RAB11FIP4: variants seen among roughly 807,000 people sequenced by gnomAD.
RAB11FIP4 encodes RAB11 family interacting protein 4.
In RAB11FIP4, 23 loss-of-function variants were observed where a neutral mutation model predicts 74.3. The ratio of observed to expected loss-of-function variants is 0.31; its 90% CI spans 0.22 to 0.44. The LOEUF is 0.44. RAB11FIP4 is among the 20% of genes least tolerant of loss of function. The pLI, the probability that RAB11FIP4 is intolerant of heterozygous loss-of-function variation, is 1.00. For missense variants in RAB11FIP4, 630 were observed against 863.9 expected, an observed-to-expected ratio of 0.73 and a Z score of 3.39; for synonymous variants, 360 against 359.9, an observed-to-expected ratio of 1.00 and a Z score of 0.00.
chr17:31,463,781 GGTGTGA>G (rs1164487000), intron 3 of RAB11FIP4, among the ~76,000 whole-genome samples: 2 of 144,210 alleles, frequency 1.4e-5, no homozygotes, highest in Admixed American at 7.1e-5. Context: ...TGGGATTACA[GGTGTGA>G]GCCACTGCGC....
At chr17:31,443,810 G>T (rs1246008369) in intron 3 of RAB11FIP4, among the ~76,000 whole-genome samples, 2 of 152,370 alleles carry the variant, frequency 1.3e-5, no homozygotes, top group Non-Finnish European at 2.9e-5. Flanking sequence ...AGCTACTTGG[G>T]AGGCTGAGGC....
intron 3 of RAB11FIP4, among the ~76,000 whole-genome samples, chr17:31,477,507 C>T (rs1465561535): frequency 6.6e-6 from 1 of 152,202 alleles, no homozygotes; most frequent in Non-Finnish European, 1.5e-5. Context: ...CCCAGACAAG[C>T]TGTGGGGAGA....
At position 31,441,121 on chromosome 17, in the gene RAB11FIP4, T is replaced by C. The variant is rs147064408; in HGVS notation, c.336+6999T>C. 2.0e-5 allele frequency among the ~76,000 whole-genome samples: 3 copies of C among 151,962 alleles called. No individual in the cohort carries two copies. The South Asian group carries it at 6.2e-4, about 32-fold the overall frequency. ...CTCACTGCAACCTCTGCCTCCCAGG[T>C]CCAAGCGATTCCCCTGCCTCAGCCT... On this transcript the variant is annotated intron_variant, in intron 3 of 14. Transcript: ENST00000621161.
rs1234390086 is a variant in RAB11FIP4 at position 31,537,243 on chromosome 17, C to T, written c.*5511C>T. 1 of 399,160 alleles carries T rather than the reference C, an allele frequency of 2.5e-6. No individual in the cohort carries two copies. The highest frequency in any genetic ancestry group is 4.4e-6 in the Non-Finnish European group (1 of 226,174). The allele number at this position is 399,160 out of a possible 1,614,324, so 24.7% of individuals were successfully genotyped here. On this transcript the variant is annotated 3_prime_UTR_variant, in exon 15 of 15. Transcript: ENST00000621161. ...CTTTCCCGAGCCCTGTAAATGTGTA[C>T]TTTTTCAACGTGCCTCCCCCAGGTG...
intron 4 of RAB11FIP4, 57 bp from the exon 5 acceptor site, chr17:31,521,109 G>A: frequency 1.5e-6 from 2 of 1,344,278 alleles, no homozygotes; most frequent in East Asian, 5.1e-5. Flanking sequence ...CCCCACCACG[G>A]GCTGTGGCTG....
intron 1 of RAB11FIP4, among the ~76,000 whole-genome samples, chr17:31,409,377 ATGCT>A: frequency 6.6e-6 from 1 of 152,296 alleles, no homozygotes; most frequent in Admixed American, 6.5e-5. Context: ...TGTTTCAACG[ATGCT>A]TGCTATTTTC....
At chr17:31,417,334 G>A (rs1007078228) in intron 1 of RAB11FIP4, among the ~76,000 whole-genome samples, 2 of 152,226 alleles carry the variant, frequency 1.3e-5, no homozygotes, top group African/African-American at 4.8e-5. Context: ...TAGGCTCCAC[G>A]TGGGTTCAAA....
chr17:31,506,179 C>T (rs558055433), intron 3 of RAB11FIP4, among the ~76,000 whole-genome samples: 1 of 152,150 alleles, frequency 6.6e-6, no homozygotes, highest in Non-Finnish European at 1.5e-5. Context: ...CAATATTGAT[C>T]TTTTAATAGG....
intron 1 of RAB11FIP4, among the ~76,000 whole-genome samples, chr17:31,415,682 C>T (rs2071140556): frequency 6.6e-6 from 1 of 152,154 alleles, no homozygotes; most frequent in African/African-American, 2.4e-5. Context: ...GGGGAAGGAG[C>T]TCAGCGAGAC....
At chr17:31,521,790 C>A in intron 5 of RAB11FIP4, 125 bp from the exon 6 acceptor site, 2 of 1,092,450 alleles carry the variant, frequency 1.8e-6, no homozygotes, top group East Asian at 2.5e-5. Context: ...TTTCCACTCC[C>A]TGCCCCTCCC....
In RAB11FIP4 at chr17:31,533,138, G is replaced by C. The variant is rs2290434; in HGVS notation, c.*1406G>C. ...GCATGTTGGGAAGGGCGGTGGAGGG[G>C]GAGTTGCAGAAAGAGAGGGCAGTGA... On this transcript the variant is annotated 3_prime_UTR_variant, in exon 15 of 15. Transcript: ENST00000621161. The C allele has an allele frequency of 0.12, 19,032 of 152,292 alleles. 1,437 individuals are homozygous for C. Among genetic ancestry groups the C allele is most frequent in the Middle Eastern group, 0.23 (68 of 296 alleles). 9.4% of individuals were successfully genotyped at this position (152,292 alleles called of 1,614,324 possible).
chr17:31,477,835 GTCCTTGAGTAA>G (rs1025064591), intron 3 of RAB11FIP4, among the ~76,000 whole-genome samples: 5 of 152,240 alleles, frequency 3.3e-5, no homozygotes, highest in Non-Finnish European at 2.9e-5. Flanking sequence ...CTAGCTGTAT[GTCCTTGAGTAA>G]CCTCTCTGAG....
intron 4 of RAB11FIP4, among the ~76,000 whole-genome samples, chr17:31,519,997 G>A (rs915235442): frequency 6.7e-6 from 1 of 150,216 alleles, no homozygotes; most frequent in African/African-American, 2.5e-5. Flanking sequence ...GCTACTCGCA[G>A]CTACTCAGGA....
chr17:31,487,798 C>A (rs1032227473), intron 3 of RAB11FIP4, among the ~76,000 whole-genome samples: 2 of 152,054 alleles, frequency 1.3e-5, no homozygotes, highest in Admixed American at 6.5e-5. Context: ...CCAGCCAGGG[C>A]TGCCCTGAGC....
chr17:31,445,560 ATATATATATATATATATATTTTTT>A (rs1567658257), intron 3 of RAB11FIP4, among the ~76,000 whole-genome samples: 524 of 14,472 alleles, frequency 0.036, 32 homozygotes, highest in Admixed American at 0.19. Flanking sequence ...ATATATATAT[ATATATATATATATATATATTTTTT>A]TTTTTTTTTT....
chr17:31,392,199 C>T, intron 1 of RAB11FIP4, 188 bp downstream of exon 1: 1 of 413,534 alleles, frequency 2.4e-6, no homozygotes, highest in Non-Finnish European at 4.0e-6. Context: ...CCCTCGCTTT[C>T]CGCCCCCCGG....
At chr17:31,516,011 G>A (rs1378471938) in intron 3 of RAB11FIP4, among the ~76,000 whole-genome samples, 2 of 152,198 alleles carry the variant, frequency 1.3e-5, no homozygotes, top group Non-Finnish European at 2.9e-5. Flanking sequence ...GGCCCAGACA[G>A]GCAGTTGCCT....
chr17:31,392,027 C>T lies in RAB11FIP4; in HGVS notation c.159+16C>T. The T allele has an allele frequency of 2.3e-6, 3 of 1,282,346 alleles. No individual in the cohort carries two copies. The highest frequency in any genetic ancestry group is 3.0e-4 in the Middle Eastern group (1 of 3,290). The allele number at this position is 1,282,346 out of a possible 1,614,324, so 79.4% of individuals were successfully genotyped here. On this transcript the variant is annotated intron_variant, in intron 1 of 14. Transcript: ENST00000621161. ...GGGCGAGGAGGTAAGCTGGCCCGAC[C>T]CCAGTCCCGGCCCGGGGACCCCAGC...
chr17:31,516,631 A>G (rs527771720), intron 3 of RAB11FIP4, among the ~76,000 whole-genome samples: 2 of 152,028 alleles, frequency 1.3e-5, no homozygotes, highest in Non-Finnish European at 2.9e-5. Flanking sequence ...CACCTCGCCC[A>G]GCTAATTTTT....
Sources: gnomAD v4.1 joint callset for allele counts (sites outside exome capture counted in the v4.1 genomes callset) on GRCh38, gnomAD v4.1.1 for gene constraint, MANE v1.5 for transcripts, NCBI Gene and HGNC (gene_info 2026-07-23, HGNC 2026-07-21) for gene names.